CDH17: variants seen among roughly 807,000 people sequenced by gnomAD.
CDH17 encodes the protein cadherin-17.
Under a neutral mutation model 86.3 loss-of-function variants are expected in CDH17, and 67 were observed. The ratio of observed to expected loss-of-function variants is 0.78; its 90% confidence interval spans 0.64 to 0.95. CDH17 has a LOEUF of 0.95. CDH17 is among the 40% of genes least tolerant of loss of function. The pLI, the probability that CDH17 is intolerant of heterozygous loss-of-function variation, is 0.00. For synonymous variants in CDH17, 367 were observed against 366.4 expected (o/e 1.00, Z -0.02); for missense variants, 993 against 1,017.6 (o/e 0.98, Z 0.33).
chr8:94,147,843 TCTTTC>T (rs756608414), intron 14 of CDH17, among the ~76,000 whole-genome samples: 1 of 152,178 alleles, frequency 6.6e-6, no homozygotes, highest in African/African-American at 2.4e-5. Context: ...GGCTTTTCTG[TCTTTC>T]CTTTCAAAAG....
intron 11 of CDH17, 42 bp downstream of exon 11, chr8:94,162,044 A>G: frequency 8.2e-7 from 1 of 1,218,470 alleles, no homozygotes; most frequent in Non-Finnish European, 1.2e-6. Flanking sequence ...GTGAAGTAAA[A>G]TGAATAAAGT....
intron 1 of CDH17, chr8:94,197,417 A>G (rs995649166): frequency 1.0e-4 from 16 of 152,404 alleles, no homozygotes; most frequent in African/African-American, 3.6e-4. Flanking sequence ...GCTTGGAGTC[A>G]GAAAGCTGGC....
intron 3 of CDH17, among the ~76,000 whole-genome samples, chr8:94,181,024 A>T (rs1279433705): frequency 1.3e-5 from 2 of 152,242 alleles, no homozygotes; most frequent in African/African-American, 4.8e-5. Context: ...CTATCCTTCA[A>T]AATGAGGATA....
At chr8:94,128,703 A>G (rs1812351071) in intron 17 of CDH17, among the ~76,000 whole-genome samples, 1 of 152,218 alleles carries the variant, frequency 6.6e-6, no homozygotes, top group Non-Finnish European at 1.5e-5. Flanking sequence ...TATATACTTA[A>G]TATTGATTCT....
intron 15 of CDH17, 136 bp downstream of exon 15, chr8:94,145,792 A>G: frequency 1.0e-6 from 1 of 974,600 alleles, no homozygotes; most frequent in South Asian, 1.7e-5. Flanking sequence ...TTCCCTGTAC[A>G]AGCTTCCAAA....
In CDH17 at chr8:94,174,003, G is replaced by T. The variant is rs1284941848; in HGVS notation, c.584-7C>A. On this transcript the variant is annotated splice_region_variant and splice_polypyrimidine_tract_variant and intron_variant, in intron 6 of 17. Coordinates refer to ENST00000027335, the MANE Select transcript of CDH17 (RefSeq NM_004063.4). Reference sequence around the variant, plus strand: ...GGATTCAATTCCTGAGATCCTGTGAGAAGTAGGGGAGAAGGGAATAGGAAG... The same window carrying T: ...GGATTCAATTCCTGAGATCCTGTGATAAGTAGGGGAGAAGGGAATAGGAAG... The T allele has an allele frequency of 6.2e-7, 1 of 1,612,816 alleles. No homozygotes were observed. The highest frequency in any genetic ancestry group is 2.2e-5 in the East Asian group (1 of 44,816).
At chr8:94,210,339 G>T (rs908553462), upstream of CDH17, among the ~76,000 whole-genome samples, 5 of 150,438 alleles carry the variant, frequency 3.3e-5, no homozygotes, top group Non-Finnish European at 7.4e-5. Context: ...TACATCACTT[G>T]CTATCTCTAG....
In CDH17 at chr8:94,166,959, T is replaced by A. The variant is rs149740265; in HGVS notation, c.1067-983A>T. On this transcript the variant is annotated intron_variant, in intron 9 of 17. Transcript: ENST00000027335. Reference sequence around the variant, plus strand: ...GCCTCCAGGTCTAGGAGAGAAAAGATTTCTGTTGTTTTAAGTCACCAAATT... The same window carrying A: ...GCCTCCAGGTCTAGGAGAGAAAAGAATTCTGTTGTTTTAAGTCACCAAATT... Among the ~76,000 whole-genome samples, 187 of 152,286 alleles carry A rather than the reference T, an allele frequency of 1.2e-3. 2 individuals carry two copies. In the East Asian group the frequency reaches 0.025, roughly 20 times the overall value.
At chr8:94,177,183 C>T (rs1173770696) in intron 4 of CDH17, among the ~76,000 whole-genome samples, 1 of 152,172 alleles carries the variant, frequency 6.6e-6, no homozygotes, top group African/African-American at 2.4e-5. Context: ...CCCTCTGCTT[C>T]TTCCAACGCC....
At chr8:94,210,171 T>C (rs1353225028), upstream of CDH17, among the ~76,000 whole-genome samples, 2 of 137,784 alleles carry the variant, frequency 1.5e-5, no homozygotes, top group Non-Finnish European at 3.1e-5. Context: ...AATCCCATCC[T>C]ATTCACTACA....
chr8:94,199,071 ATATATATATATATTTTTTT>A (rs1351098314), intron 1 of CDH17, among the ~76,000 whole-genome samples: 6 of 16,296 alleles, frequency 3.7e-4, no homozygotes, highest in African/African-American at 6.3e-4. Flanking sequence ...ATATATATAT[ATATATATATATATTTTTTT>A]TTTTTTATCA....
intron 3 of CDH17, among the ~76,000 whole-genome samples, chr8:94,177,971 A>G (rs1392229686): frequency 6.6e-6 from 1 of 152,234 alleles, no homozygotes; most frequent in East Asian, 1.9e-4. Flanking sequence ...GCTTTAAATT[A>G]TAGCTGGGGT....
chr8:94,215,578 T>C (rs1814181443), intron 1 of CDH17, among the ~76,000 whole-genome samples: 1 of 152,188 alleles, frequency 6.6e-6, no homozygotes, highest in Non-Finnish European at 1.5e-5. Context: ...GTGGTGGTGG[T>C]TGCACAACTC....
At chr8:94,131,054 G>T (rs2130564515) in intron 15 of CDH17, 62 bp from the exon 16 acceptor site, 1 of 890,872 alleles carries the variant, frequency 1.1e-6, no homozygotes, top group East Asian at 2.4e-5. Context: ...CAGGAATAAA[G>T]CTCATTTTGT....
chr8:94,205,704 T>C (rs956659293), intron 1 of CDH17, among the ~76,000 whole-genome samples: 1 of 152,224 alleles, frequency 6.6e-6, no homozygotes, highest in Non-Finnish European at 1.5e-5. Context: ...TGTTTTTTTT[T>C]TTAATCATTG....
At chr8:94,187,506 ACT>A (rs1297386003) in intron 3 of CDH17, among the ~76,000 whole-genome samples, 1 of 151,890 alleles carries the variant, frequency 6.6e-6, no homozygotes, top group Admixed American at 6.6e-5. Context: ...AAGTAATTCA[ACT>A]CTGTGTGAGC....
At chr8:94,198,151 G>A (rs1332241526) in intron 1 of CDH17, among the ~76,000 whole-genome samples, 3 of 152,056 alleles carry the variant, frequency 2.0e-5, no homozygotes, top group Non-Finnish European at 4.4e-5. Context: ...ATGTATGTAT[G>A]TATATATATT....
intron 15 of CDH17, among the ~76,000 whole-genome samples, chr8:94,140,984 GAAGATA>G (rs2130583061): frequency 6.6e-6 from 1 of 152,120 alleles, no homozygotes; most frequent in South Asian, 2.1e-4. Flanking sequence ...CCAGATAATT[GAAGATA>G]AAGAGGTGGA....
chr8:94,146,400 T>G (rs1321446003), intron 14 of CDH17, among the ~76,000 whole-genome samples: 4 of 152,238 alleles, frequency 2.6e-5, no homozygotes, highest in African/African-American at 9.6e-5. Flanking sequence ...TCAAAATAAT[T>G]GTGAAAACTG....
Sources: allele counts gnomAD v4.1 joint callset (sites outside exome capture counted in the v4.1 genomes callset), GRCh38; gene constraint gnomAD v4.1.1; transcripts MANE v1.5; gene names NCBI Gene and HGNC (gene_info 2026-07-23, HGNC 2026-07-21).